Variants in PDZRN4 observed in about 807,000 individuals in gnomAD.
PDZRN4 encodes the protein PDZ domain containing ring finger 4.
In PDZRN4, 70 loss-of-function variants were observed where a neutral mutation model predicts 99.0. The observed-to-expected ratio is 0.71, with a 90% CI of 0.58 to 0.86. The LOEUF (loss-of-function observed/expected upper bound fraction) is 0.86, where lower values mean the gene tolerates loss of function less well. Ranked by LOEUF, PDZRN4 falls within the 40% of genes least tolerant of loss-of-function variation. The pLI is 0.00. For synonymous variants in PDZRN4, 551 were observed against 501.6 expected (o/e 1.10, Z -1.32); for missense variants, 1,474 against 1,331.2 (o/e 1.11, Z -1.67).
At chr12:41,452,011 C>T (rs2446144) in intron 3 of PDZRN4, among the ~76,000 whole-genome samples, 77,444 of 151,874 alleles carry the variant, frequency 0.51, 20,214 homozygotes, top group African/African-American at 0.64. Flanking sequence ...AAAGCACTTA[C>T]TAATTTGAGA....
intron 3 of PDZRN4, among the ~76,000 whole-genome samples, chr12:41,336,788 G>A (rs1256024180): frequency 3.9e-5 from 6 of 151,922 alleles, no homozygotes; most frequent in Admixed American, 6.6e-5. Context: ...GGGGGTCGCT[G>A]TGAGTTTTTC....
intron 3 of PDZRN4, among the ~76,000 whole-genome samples, chr12:41,408,758 TTC>T (rs150446588): frequency 1.5e-3 from 222 of 148,616 alleles, no homozygotes; most frequent in Admixed American, 2.0e-3. Context: ...TCCTAAACAT[TTC>T]TCTCTCTCTC....
chr12:41,365,866 T>C (rs1306602509), intron 3 of PDZRN4, among the ~76,000 whole-genome samples: 1 of 152,144 alleles, frequency 6.6e-6, no homozygotes, highest in Non-Finnish European at 1.5e-5. Flanking sequence ...ACCAGCTTGC[T>C]AGACCCTGAC....
chr12:41,334,173 T>C (rs1423126612), intron 3 of PDZRN4, among the ~76,000 whole-genome samples: 1 of 152,090 alleles, frequency 6.6e-6, no homozygotes, highest in African/African-American at 2.4e-5. Flanking sequence ...TGAGCTCCTA[T>C]AACAAGGTCT....
At position 41,304,640 on chromosome 12, in the gene PDZRN4, C is replaced by T. The variant is rs189260164; in HGVS notation, c.843+110452C>T. Reference sequence around the variant, plus strand: ...ATATCAACCCCAATGAGAATGCATGCTTTAGAGACATTCTGCCAAATGCTA... The same window carrying T: ...ATATCAACCCCAATGAGAATGCATGTTTTAGAGACATTCTGCCAAATGCTA... On this transcript the variant is annotated intron_variant, in intron 3 of 9. Transcript: ENST00000402685. Among the ~76,000 whole-genome samples the T allele has an allele frequency of 5.3e-5, 8 of 152,278 alleles. No homozygotes were observed. In the East Asian group the frequency reaches 1.2e-3, roughly 22 times the overall value.
intron 3 of PDZRN4, among the ~76,000 whole-genome samples, chr12:41,392,922 A>T (rs998371136): frequency 6.6e-6 from 1 of 152,212 alleles, no homozygotes; most frequent in Non-Finnish European, 1.5e-5. Context: ...TAGCCACTGC[A>T]TTCTACTACC....
rs182380461 is a variant in PDZRN4 at position 41,417,311 on chromosome 12, T to G, written c.844-89145T>G. Among the ~76,000 whole-genome samples the G allele has an allele frequency of 2.0e-5, 3 of 152,350 alleles. No homozygotes were observed. The East Asian group carries it at 5.8e-4, about 29-fold the overall frequency. ...AGATGTTTTATAGGCAATGCCATCT[T>G]TGGCCAGAGAAAATTTGGTAAGTGC... On this transcript the variant is annotated intron_variant, in intron 3 of 9. Coordinates refer to ENST00000402685, the MANE Select transcript of PDZRN4 (RefSeq NM_001164595.2).
intron 3 of PDZRN4, among the ~76,000 whole-genome samples, chr12:41,211,368 G>A (rs1342206737): frequency 6.6e-6 from 1 of 151,938 alleles, no homozygotes; most frequent in Non-Finnish European, 1.5e-5. Context: ...AAAATCTGTT[G>A]TAGAATATAA....
intron 3 of PDZRN4, among the ~76,000 whole-genome samples, chr12:41,299,844 T>A (rs752619217): frequency 3.9e-5 from 6 of 152,046 alleles, no homozygotes; most frequent in Non-Finnish European, 7.4e-5. Flanking sequence ...TTATTTTTTA[T>A]CTTTGTACTG....
At chr12:41,395,978 C>A (rs1339072288) in intron 3 of PDZRN4, among the ~76,000 whole-genome samples, 1 of 151,988 alleles carries the variant, frequency 6.6e-6, no homozygotes, top group Non-Finnish European at 1.5e-5. Flanking sequence ...ATGTACCCCA[C>A]AAAAAGAGTA....
intron 3 of PDZRN4, among the ~76,000 whole-genome samples, chr12:41,449,898 T>C (rs536572360): frequency 2.8e-4 from 43 of 152,298 alleles, no homozygotes; most frequent in African/African-American, 1.0e-3. Flanking sequence ...TATAGCTAAA[T>C]TGTCAAATTA....
intron 3 of PDZRN4, among the ~76,000 whole-genome samples, chr12:41,416,391 T>A (rs909462916): frequency 6.6e-6 from 1 of 152,188 alleles, no homozygotes; most frequent in African/African-American, 2.4e-5. Context: ...ACACCTGTAA[T>A]CCCAGCACTT....
chr12:41,211,789 G>T (rs1207646590), intron 3 of PDZRN4, among the ~76,000 whole-genome samples: 1 of 151,926 alleles, frequency 6.6e-6, no homozygotes, highest in African/African-American at 2.4e-5. Context: ...AGCTAAAATA[G>T]AAATGAAAAC....
intron 3 of PDZRN4, among the ~76,000 whole-genome samples, chr12:41,401,266 CTCATTCAGGAAACAATGA>C (rs1381629914): frequency 1.3e-5 from 2 of 152,132 alleles, no homozygotes; most frequent in Non-Finnish European, 2.9e-5. Context: ...TACCATTTCC[CTCATTCAGGAAACAATGA>C]ATGTCTACTG....
intron 3 of PDZRN4, chr12:41,412,180 C>T (rs1033694173): frequency 3.9e-5 from 6 of 152,148 alleles, no homozygotes; most frequent in Admixed American, 2.0e-4. Flanking sequence ...ATGTAGCAGT[C>T]GTAGACCCCC....
chr12:41,214,452 T>TAAAAAAAAAAAAAAAAAAAAAAAAAA (rs1555216889), intron 3 of PDZRN4, among the ~76,000 whole-genome samples: 2 of 53,108 alleles, frequency 3.8e-5, no homozygotes, highest in Admixed American at 2.3e-4. Context: ...AAAAAAAAAG[T>TAAAAAAAAAAAAAAAAAAAAAAAAAA]TATCTATTTG....
intron 3 of PDZRN4, among the ~76,000 whole-genome samples, chr12:41,257,005 C>T (rs1951208487): frequency 6.6e-6 from 1 of 152,220 alleles, no homozygotes; most frequent in Non-Finnish European, 1.5e-5. Context: ...CCTCCACATT[C>T]TTCAACCCAG....
At chr12:41,349,734 C>T (rs954935490) in intron 3 of PDZRN4, among the ~76,000 whole-genome samples, 9 of 151,834 alleles carry the variant, frequency 5.9e-5, no homozygotes, top group Admixed American at 5.9e-4. Flanking sequence ...TGGGAGGAGA[C>T]TTATTGTATT....
At chr12:41,345,917 T>C (rs1424604529) in intron 3 of PDZRN4, among the ~76,000 whole-genome samples, 1 of 152,130 alleles carries the variant, frequency 6.6e-6, no homozygotes, top group Non-Finnish European at 1.5e-5. Context: ...TCTGATAATA[T>C]ATTACATGTA....
Sources: gnomAD v4.1 joint callset for allele counts (sites outside exome capture counted in the v4.1 genomes callset) on GRCh38, gnomAD v4.1.1 for gene constraint, MANE v1.5 for transcripts, NCBI Gene and HGNC (gene_info 2026-07-23, HGNC 2026-07-21) for gene names.